Variants in NEUROD1 observed in about 807,000 individuals in gnomAD.
NEUROD1 encodes neuronal differentiation 1, also known as neurogenic differentiation factor 1.
A neutral mutation model predicts 21.8 loss-of-function variants in NEUROD1; 9 were observed. The ratio of observed to expected loss-of-function variants is 0.41; its 90% CI spans 0.25 to 0.72. The LOEUF is 0.72. Ranked by LOEUF, NEUROD1 falls within the 30% of genes least tolerant of loss-of-function variation. The pLI is 0.31. For synonymous variants in NEUROD1, 199 were observed against 186.2 expected, an observed-to-expected ratio of 1.07 and a Z score of -0.56; for missense variants, 434 against 468.8, an observed-to-expected ratio of 0.93 and a Z score of 0.69.
chr2:181,678,736 T>C lies in NEUROD1; in HGVS notation c.125A>G (p.Asp42Gly), dbSNP rs1464215140. The stretch of plus-strand genomic sequence containing the variant: ...CTCCTCTGCGTTCATGGTTTCGAGG[T>C]CGTCCTCCTTCTTGTCTGCCTCGTG... ...EEHEADKKED[D>G]LETMNAEEDS... The change falls in exon 2 of 2, where the codon GAC becomes GGC. Residue 42 changes from aspartate to glycine, a missense_variant. Asp to Gly is a moderately conservative substitution (Grantham distance 94). Coordinates refer to ENST00000295108, the MANE Select transcript of NEUROD1 (RefSeq NM_002500.5). This position sits in a 1 kb window ranked among gnomAD's most constrained non-coding sequence, Gnocchi z 5.5. The C allele has an allele frequency of 6.2e-7, 1 of 1,612,534 alleles. No homozygotes were observed. The highest frequency in any genetic ancestry group is 8.5e-7 in the Non-Finnish European group (1 of 1,179,056).
At chr2:181,671,029 A>T (rs1044454258) in exon 2 of NEUROD1, among the ~76,000 whole-genome samples, 22 of 138,630 alleles carry the variant, frequency 1.6e-4, no homozygotes, top group African/African-American at 2.2e-4. Context: ...ATGTGTGCAC[A>T]CACACACACA....
Position 181,678,158 on chromosome 2 carries a change from C to T in NEUROD1, c.703G>A (p.Asp235Asn). The T allele has an allele frequency of 6.2e-7, 1 of 1,614,148 alleles. No individual in the cohort carries two copies. Among genetic ancestry groups the T allele is most frequent in the Non-Finnish European group, 8.5e-7 (1 of 1,180,028 alleles). Residue 235 changes from aspartate to asparagine, a missense_variant, in exon 2 of 2, where the codon GAC becomes AAC. Asp to Asn is a conservative substitution (Grantham distance 23). Coordinates refer to ENST00000295108, the MANE Select transcript of NEUROD1 (RefSeq NM_002500.5). This position sits in a 1 kb window ranked among gnomAD's most constrained non-coding sequence, Gnocchi z 5.5. ...GLPSPPYGTM[D>N]SSHVFHVKPP... The stretch of plus-strand genomic sequence containing the variant: ...TTAACGTGGAAGACATGGGAGCTGT[C>T]CATGGTACCGTAAGGCGGACTGGGC...
rs145050582 is a variant in NEUROD1, at chr2:181,678,146, C to T, written c.715G>A (p.Val239Ile). 1.9e-6 allele frequency: 3 copies of T among 1,614,052 alleles called. No individual in the cohort carries two copies. In the African/African-American group the frequency reaches 4.0e-5, roughly 22 times the overall value. ...TGCGGCGGAGGCTTAACGTGGAAGACATGGGAGCTGTCCATGGTACCGTAA... is the reference window on the plus strand; with the variant it reads ...TGCGGCGGAGGCTTAACGTGGAAGATATGGGAGCTGTCCATGGTACCGTAA... Reference protein sequence around the residue: ...PPYGTMDSSHVFHVKPPPHAY... With the variant: ...PPYGTMDSSHIFHVKPPPHAY... The change falls in exon 2 of 2, where the codon GTC becomes ATC. Residue 239 changes from valine (V) to isoleucine (I), a missense_variant. Coordinates refer to ENST00000295108, the MANE Select transcript of NEUROD1 (RefSeq NM_002500.5). This position sits in a 1 kb window ranked among gnomAD's most constrained non-coding sequence, Gnocchi z 5.5.
In NEUROD1 at chr2:181,677,878, A is replaced by T; in HGVS notation, c.983T>A (p.Ile328Asn). The T allele has an allele frequency of 6.2e-7, 1 of 1,614,134 alleles. No homozygotes were observed. Among genetic ancestry groups the T allele is most frequent in the Non-Finnish European group, 8.5e-7 (1 of 1,180,008 alleles). Residue 328 changes from isoleucine (I) to asparagine (N), a missense_variant, in exon 2 of 2, where the codon ATC becomes AAC. Ile to Asn is a moderately radical substitution (Grantham distance 149, BLOSUM62 -3). Transcript: ENST00000295108. ...FSGTAAPRCEIPIDNIMSFDS... is the reference protein window; with the variant it reads ...FSGTAAPRCENPIDNIMSFDS... ...GAAGGACATAATATTGTCTATGGGGATCTCGCAGCGAGGGGCAGCGGTGCC... is the reference window on the plus strand; with the variant it reads ...GAAGGACATAATATTGTCTATGGGGTTCTCGCAGCGAGGGGCAGCGGTGCC...
At chr2:181,673,521 A>C (rs1391834091), downstream of NEUROD1, 3 of 152,222 alleles carry the variant, frequency 2.0e-5, no homozygotes, top group Non-Finnish European at 2.9e-5. Context: ...AAGATGTTGC[A>C]TTGGCTCTTT....
Position 181,678,694 on chromosome 2 carries a change from C to T in NEUROD1, c.167G>A (p.Gly56Glu), listed in dbSNP as rs751732249. The change falls in exon 2 of 2, where the codon GGG becomes GAG. Residue 56 changes from glycine to glutamate, a missense_variant. Gly to Glu is a moderately conservative substitution (Grantham distance 98). Transcript: ENST00000295108. The surrounding 1 kb of genome is among the most constrained non-coding windows in gnomAD (Gnocchi z 5.5). Reference protein sequence around the residue: ...MNAEEDSLRNGGEEEDEDEDL... With the variant: ...MNAEEDSLRNEGEEEDEDEDL... Reference sequence around the variant, plus strand: ...CTCATCTTCGTCCTCCTCCTCTCCCCCGTTCCTCAGTGAGTCCTCCTCTGC... The same window carrying T: ...CTCATCTTCGTCCTCCTCCTCTCCCTCGTTCCTCAGTGAGTCCTCCTCTGC... 2.5e-5 allele frequency: 40 copies of T among 1,611,538 alleles called. No individual in the cohort carries two copies. In the South Asian group the frequency reaches 3.9e-4, roughly 16 times the overall value.
chr2:181,678,825 G>T lies in NEUROD1; in HGVS notation c.36C>A (p.Gly12=), dbSNP rs753690348. 6.2e-7 allele frequency: 1 copy of T among 1,613,986 alleles called. No homozygotes were observed. The highest frequency in any genetic ancestry group is 1.7e-5 in the Admixed American group (1 of 60,016). ...TTGGAGGACCTTGGGGCTGAGGCTC[G>T]CCCATCAGCCCACTCTCGCTGTACG... is the stretch of plus-strand genomic sequence containing the variant. ...TKSYSESGLM[G]EPQPQGPPSW... is the part of the protein sequence containing the mutation. Residue 12 remains glycine (G), a synonymous_variant, in exon 2 of 2, where the codon GGC becomes GGA. Coordinates refer to ENST00000295108, the MANE Select transcript of NEUROD1 (RefSeq NM_002500.5). The surrounding 1 kb of genome is among the most constrained non-coding windows in gnomAD (Gnocchi z 5.5).
chr2:181,680,047 A>C (rs1688668639), intron 1 of NEUROD1, among the ~76,000 whole-genome samples: 1 of 152,222 alleles, frequency 6.6e-6, no homozygotes, highest in African/African-American at 2.4e-5. Context: ...AAATACATGC[A>C]CACAAAATAT....
At chr2:181,675,872 C>T (rs1688561677), downstream of NEUROD1, among the ~76,000 whole-genome samples, 1 of 152,058 alleles carries the variant, frequency 6.6e-6, no homozygotes, top group Admixed American at 6.6e-5. Flanking sequence ...GTTAATAGAA[C>T]AATTATAAAA....
At chr2:181,673,596 TAGAG>T (rs906730860), downstream of NEUROD1, 1 of 152,134 alleles carries the variant, frequency 6.6e-6, no homozygotes, top group African/African-American at 2.4e-5. Context: ...TAAGTGGTGT[TAGAG>T]AGAGAGAAAA....
chr2:181,673,066 T>C (rs922751179), downstream of NEUROD1: 1 of 152,156 alleles, frequency 6.6e-6, no homozygotes, highest in Non-Finnish European at 1.5e-5. Flanking sequence ...ACTGGGCAAA[T>C]AACATAATAA....
exon 2 of NEUROD1, among the ~76,000 whole-genome samples, chr2:181,670,358 T>C (rs947447659): frequency 2.0e-5 from 3 of 152,226 alleles, no homozygotes; most frequent in African/African-American, 7.2e-5. Flanking sequence ...ATTAAACAGC[T>C]GTTTTTTGTC....
downstream of NEUROD1, chr2:181,676,359 CTTTTA>C (rs1241721087): frequency 6.6e-6 from 1 of 152,450 alleles, no homozygotes; most frequent in African/African-American, 2.4e-5. Context: ...TTTTTCTTTT[CTTTTA>C]TTCTACATAT....
chr2:181,679,361 C>A (rs774325735), intron 1 of NEUROD1, among the ~76,000 whole-genome samples: 2 of 152,004 alleles, frequency 1.3e-5, no homozygotes, highest in Non-Finnish European at 2.9e-5. Flanking sequence ...ACAGCCATTG[C>A]GTAATTTACT....
At position 181,678,601 on chromosome 2, in the gene NEUROD1, T is replaced by A. The variant is rs758515206; in HGVS notation, c.260A>T (p.Lys87Ile). The A allele has an allele frequency of 6.2e-7, 1 of 1,614,170 alleles. No homozygotes were observed. The highest frequency in any genetic ancestry group is 8.5e-7 in the Non-Finnish European group (1 of 1,180,024). Residue 87 changes from lysine (K) to isoleucine (I), a missense_variant, in exon 2 of 2, where the codon AAA becomes ATA. Coordinates refer to ENST00000295108, the MANE Select transcript of NEUROD1 (RefSeq NM_002500.5). This position sits in a 1 kb window ranked among gnomAD's most constrained non-coding sequence, Gnocchi z 5.5. ...DDQKPKRRGP[K>I]KKKMTKARLE... ...GCGAGCCTTAGTCATCTTCTTCTTT[T>A]TGGGGCCGCGTCTCTTGGGCTTTTG...
Position 181,678,454 on chromosome 2 carries a change from T to C in NEUROD1, c.407A>G (p.Lys136Arg), listed in dbSNP as rs1173928529. The change falls in exon 2 of 2, where the codon AAG becomes AGG. Residue 136 changes from lysine to arginine, a missense_variant. Lys to Arg is a conservative substitution (Grantham distance 26). Transcript: ENST00000295108. The surrounding 1 kb of genome is among the most constrained non-coding windows in gnomAD (Gnocchi z 5.5). Reference sequence around the variant, plus strand: ...GCGCAGAGTCTCGATTTTGGACAGCTTCTGCGTCTTAGAATAGCAAGGCAC... The same window carrying C: ...GCGCAGAGTCTCGATTTTGGACAGCCTCTGCGTCTTAGAATAGCAAGGCAC... ...KVVPCYSKTQKLSKIETLRLA... is the reference protein window; with the variant it reads ...KVVPCYSKTQRLSKIETLRLA... 1.2e-6 allele frequency: 2 copies of C among 1,614,238 alleles called. No homozygotes were observed.
rs373797232 is a variant in NEUROD1 at position 181,678,530 on chromosome 2, G to T, written c.331C>A (p.Arg111=). The change falls in exon 2 of 2, where the codon CGG becomes AGG. Residue 111 remains arginine, a synonymous_variant. Transcript: ENST00000295108. The surrounding 1 kb of genome is among the most constrained non-coding windows in gnomAD (Gnocchi z 5.5). The stretch of plus-strand genomic sequence containing the variant: ...GCGTTCAGTCCGTGCATGCGGTTCC[G>T]CTCCCGGGCGTTAGCCTTCATGCGT... ...LRRMKANARE[R]NRMHGLNAAL... is the part of the protein sequence containing the mutation. 3.1e-5 allele frequency: 50 copies of T among 1,614,110 alleles called. No individual in the cohort carries two copies. The highest frequency in any genetic ancestry group is 4.0e-5 in the Non-Finnish European group (47 of 1,180,056).
downstream of NEUROD1, among the ~76,000 whole-genome samples, chr2:181,675,347 A>C (rs2105591013): frequency 6.6e-6 from 1 of 152,294 alleles, no homozygotes; most frequent in African/African-American, 2.4e-5. Context: ...CCTCATTGGC[A>C]ATGTTATTAG....
At position 181,678,196 on chromosome 2, in the gene NEUROD1, T is replaced by C; in HGVS notation, c.665A>G (p.Gln222Arg). The C allele has an allele frequency of 6.2e-7, 1 of 1,614,040 alleles. No homozygotes were observed. Among genetic ancestry groups the C allele is most frequent in the South Asian group, 1.1e-5 (1 of 91,082 alleles). Residue 222 changes from glutamine to arginine, a missense_variant, in exon 2 of 2, where the codon CAG becomes CGG. By Grantham distance (43) the Gln-to-Arg change is conservative. Transcript: ENST00000295108. The surrounding 1 kb of genome is among the most constrained non-coding windows in gnomAD (Gnocchi z 5.5). The stretch of plus-strand genomic sequence containing the variant: ...AGGCGGACTGGGCAGCCCAGGCGAC[T>C]GGTAGGAGTAGGGGTGTACAGGGAA... ...ASFPVHPYSYQSPGLPSPPYG... is the reference protein window; with the variant it reads ...ASFPVHPYSYRSPGLPSPPYG...
Sources: allele counts gnomAD v4.1 joint callset (sites outside exome capture counted in the v4.1 genomes callset), GRCh38; gene constraint gnomAD v4.1.1; non-coding constraint Gnocchi (gnomAD v3.1); transcripts MANE v1.5; gene names NCBI Gene and HGNC (gene_info 2026-07-23, HGNC 2026-07-21).